GLYATL1: variants seen among roughly 807,000 people sequenced by gnomAD.
GLYATL1 encodes glycine N-acyltransferase-like protein 1.
In GLYATL1, 15 loss-of-function variants were observed where a neutral mutation model predicts 20.0. The ratio of observed to expected loss-of-function variants is 0.75; its 90% CI spans 0.50 to 1.15. The LOEUF is 1.15. Ranked by LOEUF, GLYATL1 falls within the 50% of genes most tolerant of loss-of-function variation. The pLI, the probability that GLYATL1 is intolerant of heterozygous loss-of-function variation, is 0.00. For missense variants in GLYATL1, 380 were observed against 368.5 expected (o/e 1.03, Z -0.26); for synonymous variants, 151 against 131.5 (o/e 1.15, Z -1.01).
At chr11:58,907,502 TC>T in exon 2 of GLYATL1, 1 of 400,488 alleles carries the variant, frequency 2.5e-6, no homozygotes, top group South Asian at 1.9e-5. Flanking sequence ...TGTTTTGTTT[TC>T]AGGCTAGGGG....
intron 1 of GLYATL1, among the ~76,000 whole-genome samples, chr11:58,932,434 A>G (rs1342288117): frequency 6.6e-6 from 1 of 152,184 alleles, no homozygotes; most frequent in East Asian, 1.9e-4. Flanking sequence ...CTATTGCCTC[A>G]TGTTTTCAAA....
At chr11:58,923,839 G>C (rs926447867), upstream of GLYATL1, among the ~76,000 whole-genome samples, 4 of 152,206 alleles carry the variant, frequency 2.6e-5, no homozygotes, top group Non-Finnish European at 5.9e-5. Flanking sequence ...GGCATATCTT[G>C]TCAGAGTTTT....
chr11:58,907,781 A>G (rs1854940593), exon 2 of GLYATL1: 1 of 186,386 alleles, frequency 5.4e-6, no homozygotes, highest in African/African-American at 2.4e-5. Flanking sequence ...GTACGTTGTT[A>G]TTTTACATGG....
chr11:58,947,258 G>A, intron 3 of GLYATL1, 93 bp downstream of exon 3: 1 of 1,490,824 alleles, frequency 6.7e-7, no homozygotes, highest in Non-Finnish European at 8.9e-7. Flanking sequence ...CTGACTGTTT[G>A]CAGAGGGTTG....
chr11:58,939,154 A>T (rs117525869), upstream of GLYATL1, among the ~76,000 whole-genome samples: 5,622 of 152,304 alleles, frequency 0.037, 141 homozygotes, highest in Admixed American at 0.053. Flanking sequence ...CTCAAAAAGT[A>T]TCAAAGAATT....
chr11:58,920,178 T>C (rs1016248010), intron 1 of GLYATL1, among the ~76,000 whole-genome samples: 10 of 152,182 alleles, frequency 6.6e-5, no homozygotes, highest in Admixed American at 6.5e-4. Context: ...CCCTTTGTAG[T>C]GCAATACTGC....
chr11:58,950,657 G>T (rs1304123561), intron 4 of GLYATL1, among the ~76,000 whole-genome samples: 1 of 152,106 alleles, frequency 6.6e-6, no homozygotes, highest in African/African-American at 2.4e-5. Flanking sequence ...CCTTCCCAAA[G>T]GATTCCACAA....
At chr11:58,912,734 C>T, downstream of GLYATL1, among the ~76,000 whole-genome samples, 1 of 152,160 alleles carries the variant, frequency 6.6e-6, no homozygotes, top group Admixed American at 6.5e-5. Flanking sequence ...GTTCTGAATG[C>T]ATTTGAAGCC....
exon 1 of GLYATL1, chr11:58,905,514 C>A (rs1401558545): frequency 2.2e-6 from 1 of 456,300 alleles, no homozygotes. Context: ...TGCTCCCACT[C>A]GCAATCAAAA....
downstream of GLYATL1, among the ~76,000 whole-genome samples, chr11:58,912,509 C>A (rs1026543141): frequency 6.6e-6 from 1 of 152,178 alleles, no homozygotes; most frequent in African/African-American, 2.4e-5. Context: ...ATCTCCCTCC[C>A]CAGACAAAAG....
intron 1 of GLYATL1, among the ~76,000 whole-genome samples, chr11:58,919,702 A>G (rs927068513): frequency 6.6e-6 from 1 of 152,174 alleles, no homozygotes; most frequent in Non-Finnish European, 1.5e-5. Flanking sequence ...ATCCAGAAGC[A>G]AATTTTCACA....
chr11:58,930,287 G>T (rs544870657), intron 1 of GLYATL1, among the ~76,000 whole-genome samples: 5 of 152,258 alleles, frequency 3.3e-5, no homozygotes, highest in African/African-American at 9.6e-5. Flanking sequence ...ATAATGAATC[G>T]TTATAAGTAT....
intron 2 of GLYATL1, 148 bp from the exon 3 acceptor site, chr11:58,946,898 C>G: frequency 1.5e-6 from 1 of 682,588 alleles, no homozygotes; most frequent in Non-Finnish European, 2.6e-6. Context: ...GAGAAATTTA[C>G]TTAGTCCCTC....
chr11:58,946,491 T>C (rs190839182), intron 2 of GLYATL1, among the ~76,000 whole-genome samples: 1 of 152,244 alleles, frequency 6.6e-6, no homozygotes, highest in Non-Finnish European at 1.5e-5. Context: ...TCAACAAAAG[T>C]TTACAGATAT....
intron 1 of GLYATL1, chr11:58,917,294 T>A (rs1410643608): frequency 6.6e-6 from 1 of 152,174 alleles, no homozygotes; most frequent in Non-Finnish European, 1.5e-5. Context: ...GCTGTGGGAA[T>A]GAAGGAGGAC....
chr11:58,925,386 C>T (rs935988835), upstream of GLYATL1, among the ~76,000 whole-genome samples: 1 of 152,170 alleles, frequency 6.6e-6, no homozygotes, highest in Non-Finnish European at 1.5e-5. Context: ...ACATTCTTCA[C>T]GACTTTCACA....
intron 1 of GLYATL1, among the ~76,000 whole-genome samples, chr11:58,933,410 C>T (rs1855688503): frequency 6.6e-6 from 1 of 152,164 alleles, no homozygotes; most frequent in African/African-American, 2.4e-5. Flanking sequence ...GATTTTACTC[C>T]CTCCAGGCTT....
At chr11:58,942,273 C>T (rs371388155) in intron 1 of GLYATL1, among the ~76,000 whole-genome samples, 17 of 152,164 alleles carry the variant, frequency 1.1e-4, no homozygotes, top group African/African-American at 3.6e-4. Context: ...CATTATCTTT[C>T]TTATACTGAT....
chr11:58,924,485 AG>A (rs573715681), upstream of GLYATL1, among the ~76,000 whole-genome samples: 6 of 152,178 alleles, frequency 3.9e-5, no homozygotes, highest in Non-Finnish European at 7.4e-5. Flanking sequence ...CCTTCCAAAA[AG>A]GTTTGTAAAC....
Sources: allele counts gnomAD v4.1 joint callset (sites outside exome capture counted in the v4.1 genomes callset), GRCh38; gene constraint gnomAD v4.1.1; transcripts MANE v1.5; gene names NCBI Gene and HGNC (gene_info 2026-07-23, HGNC 2026-07-21).